STAT3: variants seen among roughly 807,000 people sequenced by gnomAD.
The protein encoded by STAT3 is signal transducer and activator of transcription 3, also known as DNA-binding protein APRF.
In STAT3, 7 loss-of-function variants were observed where a neutral mutation model predicts 114.3. That is an observed-to-expected ratio of 0.06 (90% CI 0.03 to 0.11). The LOEUF is 0.11. STAT3 is among the 10% of genes least tolerant of loss of function. STAT3 has a pLI of 1.00. For synonymous variants in STAT3, 331 were observed against 354.5 expected (o/e 0.93, Z 0.74); for missense variants, 364 against 960.9 (o/e 0.38, Z 8.21).
intron 18 of STAT3, 106 bp from the exon 19 acceptor site, chr17:42,323,460 C>A: frequency 6.5e-7 from 1 of 1,546,882 alleles, no homozygotes; most frequent in Non-Finnish European, 8.9e-7. Flanking sequence ...TACCTTCAGG[C>A]AGGTCCTACT....
intron 4 of STAT3, among the ~76,000 whole-genome samples, chr17:42,341,171 T>C (rs2082429158): frequency 6.6e-6 from 1 of 152,244 alleles, no homozygotes; most frequent in South Asian, 2.1e-4. Context: ...GGAGAAAACA[T>C]GATTAACGAT....
intron 1 of STAT3, among the ~76,000 whole-genome samples, chr17:42,349,990 A>C (rs2082866260): frequency 6.6e-6 from 1 of 151,956 alleles, no homozygotes; most frequent in African/African-American, 2.4e-5. Flanking sequence ...TGGAAGGCAG[A>C]GGTTGAGGTG....
At chr17:42,326,386 T>TA (rs1416235143) in intron 14 of STAT3, among the ~76,000 whole-genome samples, 187 bp from the exon 15 acceptor site, 1 of 152,068 alleles carries the variant, frequency 6.6e-6, no homozygotes, top group African/African-American at 2.4e-5. Flanking sequence ...TGCACACCTA[T>TA]AGCCCCAGCT....
intron 20 of STAT3, 149 bp from the exon 21 acceptor site, chr17:42,322,643 T>C (rs2081529511): frequency 2.2e-6 from 2 of 902,290 alleles, no homozygotes; most frequent in African/African-American, 1.6e-5. Flanking sequence ...GGCCTGGCAC[T>C]GTGGAAATAT....
chr17:42,351,129 C>CAAAAAAAAA (rs139529559), intron 1 of STAT3, among the ~76,000 whole-genome samples: 9 of 77,260 alleles, frequency 1.2e-4, no homozygotes, highest in African/African-American at 2.4e-4. Flanking sequence ...GACTCCATCT[C>CAAAAAAAAA]AAAAAAAAAA....
At chr17:42,336,958 A>C (rs1188194585) in intron 8 of STAT3, among the ~76,000 whole-genome samples, 1 of 151,970 alleles carries the variant, frequency 6.6e-6, no homozygotes, top group Admixed American at 6.6e-5. Flanking sequence ...GTTTCTCCAA[A>C]TAAAGTAAAA....
At chr17:42,319,515 C>T (rs1278254405) in intron 21 of STAT3, among the ~76,000 whole-genome samples, 1 of 116,196 alleles carries the variant, frequency 8.6e-6, no homozygotes, top group Non-Finnish European at 1.6e-5. Context: ...GCACTCCAGT[C>T]TGGACGATAG....
chr17:42,349,731 A>C (rs916733821), intron 1 of STAT3, among the ~76,000 whole-genome samples: 1 of 152,200 alleles, frequency 6.6e-6, no homozygotes, highest in Non-Finnish European at 1.5e-5. Flanking sequence ...TGGGTCATGG[A>C]AATATCAATA....
chr17:42,333,825 T>G lies in STAT3; in HGVS notation c.957-60A>C. 1 of 1,614,172 alleles carries G rather than the reference T, an allele frequency of 6.2e-7. No homozygotes were observed. Among genetic ancestry groups the G allele is most frequent in the Admixed American group, 1.7e-5 (1 of 60,022 alleles). On this transcript the variant is annotated intron_variant, in intron 9 of 23. Coordinates refer to ENST00000264657, the MANE Select transcript of STAT3 (RefSeq NM_139276.3). The surrounding 1 kb of genome is among the most constrained non-coding windows in gnomAD (Gnocchi z 5.2). ...CCATGACCAGAAGTCAGCCCGCCTC[T>G]CACTCTACCACGTGAGTCTTTAGGT...
chr17:42,329,347 T>C (rs2081888231), intron 14 of STAT3, 63 bp downstream of exon 14: 3 of 1,602,804 alleles, frequency 1.9e-6, no homozygotes, highest in Non-Finnish European at 2.6e-6. Context: ...TTAAGAAGGA[T>C]CTTTACCCCT....
At chr17:42,322,774 T>C (rs2144687244) in intron 20 of STAT3, among the ~76,000 whole-genome samples, 1 of 152,322 alleles carries the variant, frequency 6.6e-6, no homozygotes, top group Non-Finnish European at 1.5e-5. Context: ...AAGAATACAA[T>C]TTAAATTGCA....
At chr17:42,353,361 A>G in intron 1 of STAT3, among the ~76,000 whole-genome samples, 1 of 129,370 alleles carries the variant, frequency 7.7e-6, no homozygotes, top group South Asian at 2.5e-4. Context: ...AAAAAAAAAA[A>G]GAAAGAAAGA....
rs547619378 is a variant in STAT3 at position 42,320,460 on chromosome 17, T to A, written c.2101+1822A>T. Among the ~76,000 whole-genome samples the A allele has an allele frequency of 1.4e-4, 21 of 152,322 alleles. No homozygotes were observed. The East Asian group carries it at 3.7e-3, about 27-fold the overall frequency. ...GAGCCCATCATTAGGCCAGGCACAG[T>A]GGCTCACGCCTGTAATCCCAGCACT... On this transcript the variant is annotated intron_variant, in intron 21 of 23. Coordinates refer to ENST00000264657, the MANE Select transcript of STAT3 (RefSeq NM_139276.3).
rs1229319586 is a variant in STAT3, at chr17:42,333,788, C to T, written c.957-23G>A. On this transcript the variant is annotated intron_variant, in intron 9 of 23. Transcript: ENST00000264657. This position sits in a 1 kb window ranked among gnomAD's most constrained non-coding sequence, Gnocchi z 5.2. ...GCACTGAGGAAAGAGAAGATGGGCT[C>T]ACGCGCCACGGCCATGACCAGAAGT... 5.0e-6 allele frequency: 8 copies of T among 1,614,076 alleles called. No individual in the cohort carries two copies. The highest frequency in any genetic ancestry group is 1.6e-4 in the Middle Eastern group (1 of 6,084).
At chr17:42,330,001 A>G (rs2081926166) in intron 11 of STAT3, among the ~76,000 whole-genome samples, 1 of 152,230 alleles carries the variant, frequency 6.6e-6, no homozygotes, top group African/African-American at 2.4e-5. Flanking sequence ...TTGCATATGT[A>G]CTTATTAAAC....
intron 1 of STAT3, among the ~76,000 whole-genome samples, chr17:42,365,784 T>G (rs2083756577): frequency 1.3e-5 from 2 of 151,790 alleles, no homozygotes; most frequent in Non-Finnish European, 2.9e-5. Flanking sequence ...ACCTCCCAAG[T>G]AGCTGGGACT....
At chr17:42,346,826 C>CTA in intron 2 of STAT3, 113 bp from the exon 3 acceptor site, 5 of 1,389,524 alleles carry the variant, frequency 3.6e-6, no homozygotes, top group Non-Finnish European at 5.0e-6. Flanking sequence ...AAACCTGATG[C>CTA]TATAACCCAT....
At chr17:42,365,652 G>GTTTTTTT in intron 1 of STAT3, among the ~76,000 whole-genome samples, 1 of 116,916 alleles carries the variant, frequency 8.6e-6, no homozygotes, top group Non-Finnish European at 1.9e-5. Flanking sequence ...TTTTTTTTTT[G>GTTTTTTT]TTTTTTTTTG....
Position 42,326,301 on chromosome 17 carries a change from A to C in STAT3, c.1282-102T>G, listed in dbSNP as rs983304626. 4.0e-6 allele frequency: 4 copies of C among 1,006,256 alleles called. No individual in the cohort carries two copies. In the African/African-American group the frequency reaches 6.3e-5, roughly 16 times the overall value. 62.3% of individuals were successfully genotyped at this position (1,006,256 alleles called of 1,614,324 possible). On this transcript the variant is annotated intron_variant, in intron 14 of 23. Coordinates refer to ENST00000264657, the MANE Select transcript of STAT3 (RefSeq NM_139276.3). ...GGCAGGAGGATTGCCTGAGCCCAGG[A>C]GTTCGAGACCAGTCTAAGCAGCACA... is the stretch of plus-strand genomic sequence containing the variant.
Sources: allele counts gnomAD v4.1 joint callset (sites outside exome capture counted in the v4.1 genomes callset), GRCh38; gene constraint gnomAD v4.1.1; non-coding constraint Gnocchi (gnomAD v3.1); transcripts MANE v1.5; gene names NCBI Gene and HGNC (gene_info 2026-07-23, HGNC 2026-07-21).